The following ERC2 variants were observed in gnomAD, a reference collection of about 807,000 sequenced individuals.
The protein encoded by ERC2 is ELKS/RAB6-interacting/CAST family member 2.
In ERC2, 42 loss-of-function variants were observed where a neutral mutation model predicts 114.8. The observed-to-expected ratio is 0.37, with a 90% confidence interval of 0.29 to 0.47. The LOEUF is 0.47. ERC2 is among the 20% of genes least tolerant of loss of function. The pLI is 0.99. For missense variants in ERC2, 939 were observed against 1,150.7 expected, an observed-to-expected ratio of 0.82 and a Z score of 2.66; for synonymous variants, 454 against 425.5, an observed-to-expected ratio of 1.07 and a Z score of -0.82.
Position 56,103,268 on chromosome 3 carries a change from G to A in ERC2, c.1474-22284C>T, listed in dbSNP as rs1375781397. Among the ~76,000 whole-genome samples, 3 of 152,152 alleles carry A rather than the reference G, an allele frequency of 2.0e-5. No homozygotes were observed. In the East Asian group the frequency reaches 5.8e-4, roughly 29 times the overall value. ...ATGCCTGCAGAATTCAATTGGCAGG[G>A]TGAAGTGGGGACAGTGGAGAGATGA... On this transcript the variant is annotated intron_variant, in intron 6 of 17. Transcript: ENST00000288221.
At chr3:55,623,572 T>C (rs2059400695) in intron 17 of ERC2, among the ~76,000 whole-genome samples, 1 of 152,218 alleles carries the variant, frequency 6.6e-6, no homozygotes, top group African/African-American at 2.4e-5. Context: ...CCTGGTCACC[T>C]GCTTTGACCT....
chr3:55,786,495 A>T (rs1348679055), intron 14 of ERC2, among the ~76,000 whole-genome samples: 1 of 152,194 alleles, frequency 6.6e-6, no homozygotes, highest in African/African-American at 2.4e-5. Flanking sequence ...ACTGCTAATT[A>T]TATATAATTG....
rs945897529 is a variant in ERC2 at position 55,829,626 on chromosome 3, C to G, written c.2564+58763G>C. Among the ~76,000 whole-genome samples the G allele has an allele frequency of 2.0e-5, 3 of 152,272 alleles. No individual in the cohort carries two copies. The East Asian group carries it at 5.8e-4, about 29-fold the overall frequency. ...ACCTCCTGGACTCAAGCTATCCTCC[C>G]ATTTCAGCTATCAAAGTGGCTGGGA... On this transcript the variant is annotated intron_variant, in intron 14 of 17. Transcript: ENST00000288221.
At chr3:55,802,763 A>AT (rs377584616) in intron 14 of ERC2, among the ~76,000 whole-genome samples, 13 of 150,750 alleles carry the variant, frequency 8.6e-5, no homozygotes, top group South Asian at 8.4e-4. Context: ...TTTAGGGGGA[A>AT]TTTTTTTTTT....
At chr3:55,587,364 C>G (rs1296289337) in intron 17 of ERC2, among the ~76,000 whole-genome samples, 1 of 152,148 alleles carries the variant, frequency 6.6e-6, no homozygotes, top group Non-Finnish European at 1.5e-5. Context: ...CTTCTTTCAT[C>G]CAACATTATG....
intron 8 of ERC2, 147 bp downstream of exon 8, chr3:56,018,747 C>T: frequency 1.2e-6 from 1 of 808,948 alleles, no homozygotes; most frequent in African/African-American, 1.7e-5. Context: ...CTGAAGAGGG[C>T]TTGTGTGGGA....
At chr3:56,278,645 T>C (rs1016365052) in intron 3 of ERC2, among the ~76,000 whole-genome samples, 1 of 152,166 alleles carries the variant, frequency 6.6e-6, no homozygotes, top group Non-Finnish European at 1.5e-5. Flanking sequence ...AAGAGGTTTA[T>C]TTGGCTCACA....
At chr3:55,636,933 G>A (rs899893839) in intron 17 of ERC2, among the ~76,000 whole-genome samples, 5 of 152,190 alleles carry the variant, frequency 3.3e-5, no homozygotes, top group African/African-American at 1.2e-4. Context: ...AGGAGGCCAT[G>A]AGAAGTCAGT....
At chr3:56,422,476 T>C (rs2061422650) in intron 2 of ERC2, among the ~76,000 whole-genome samples, 1 of 152,140 alleles carries the variant, frequency 6.6e-6, no homozygotes, top group South Asian at 2.1e-4. Flanking sequence ...CATTCTCCTC[T>C]GCTCATTTAC....
chr3:56,014,199 T>A (rs2073149973), intron 8 of ERC2, among the ~76,000 whole-genome samples: 1 of 152,318 alleles, frequency 6.6e-6, no homozygotes, highest in Admixed American at 6.5e-5. Flanking sequence ...TCATAATTTT[T>A]AAAAATCTGA....
intron 17 of ERC2, among the ~76,000 whole-genome samples, chr3:55,674,372 C>T (rs2061691924): frequency 6.6e-6 from 1 of 152,144 alleles, no homozygotes; most frequent in Non-Finnish European, 1.5e-5. Context: ...ACAAGACCAT[C>T]TGCATAGGAA....
At chr3:55,577,979 G>A (rs948921645) in intron 17 of ERC2, among the ~76,000 whole-genome samples, 4 of 152,198 alleles carry the variant, frequency 2.6e-5, no homozygotes, top group East Asian at 1.9e-4. Flanking sequence ...GAAAGGGGAC[G>A]TGGCCCCCAC....
chr3:55,616,631 CTTTT>C (rs11289307), intron 17 of ERC2, among the ~76,000 whole-genome samples: 2 of 142,004 alleles, frequency 1.4e-5, no homozygotes, highest in African/African-American at 2.6e-5. Context: ...AGTTATTGTG[CTTTT>C]TTTTTTTTTT....
intron 14 of ERC2, among the ~76,000 whole-genome samples, chr3:55,769,394 C>A (rs1349087271): frequency 6.6e-6 from 1 of 151,884 alleles, no homozygotes; most frequent in Non-Finnish European, 1.5e-5. Flanking sequence ...GGCCTCTTTT[C>A]CCTCCTTGCT....
At chr3:56,266,332 G>A (rs888744577) in intron 3 of ERC2, among the ~76,000 whole-genome samples, 3 of 151,750 alleles carry the variant, frequency 2.0e-5, no homozygotes, top group Admixed American at 6.6e-5. Flanking sequence ...GGGTTTCACC[G>A]TGTTAGCCAG....
intron 6 of ERC2, among the ~76,000 whole-genome samples, chr3:56,087,389 C>T (rs1386433722): frequency 6.6e-6 from 1 of 152,186 alleles, no homozygotes; most frequent in Admixed American, 6.5e-5. Context: ...CATGTCAGCA[C>T]CCAGGAATTA....
intron 14 of ERC2, among the ~76,000 whole-genome samples, chr3:55,876,027 C>T (rs2062820310): frequency 6.6e-6 from 1 of 152,076 alleles, no homozygotes; most frequent in Non-Finnish European, 1.5e-5. Flanking sequence ...AAGAGGCAGC[C>T]AGCAAGAAGC....
At chr3:55,747,962 T>C (rs1301857889) in intron 14 of ERC2, among the ~76,000 whole-genome samples, 1 of 152,218 alleles carries the variant, frequency 6.6e-6, no homozygotes, top group East Asian at 1.9e-4. Context: ...ATACAATTTG[T>C]GGGATGCTAC....
intron 13 of ERC2, among the ~76,000 whole-genome samples, chr3:55,901,908 T>C (rs774818114): frequency 5.3e-5 from 8 of 152,372 alleles, no homozygotes; most frequent in African/African-American, 1.9e-4. Context: ...AGTGACTTGA[T>C]ACCGACTGAA....
Sources: allele counts gnomAD v4.1 joint callset (sites outside exome capture counted in the v4.1 genomes callset), GRCh38; gene constraint gnomAD v4.1.1; transcripts MANE v1.5; gene names NCBI Gene and HGNC (gene_info 2026-07-23, HGNC 2026-07-21).